The following PARD3B variants were observed in gnomAD, a reference collection of about 807,000 sequenced individuals.
The protein encoded by PARD3B is partitioning defective 3 homolog B.
Under a neutral mutation model 130.2 loss-of-function variants are expected in PARD3B, and 103 were observed. The observed-to-expected ratio is 0.79, with a 90% confidence interval of 0.67 to 0.93. The LOEUF is 0.93. Among genes scored for constraint, PARD3B ranks in the 40% least tolerant of loss-of-function variants. The pLI, the probability that PARD3B is intolerant of heterozygous loss-of-function variation, is 0.00. For synonymous variants in PARD3B, 583 were observed against 553.2 expected (o/e 1.05, Z -0.76); for missense variants, 1,609 against 1,499.2 (o/e 1.07, Z -1.21).
At chr2:204,753,466 T>A (rs1276465082) in intron 2 of PARD3B, among the ~76,000 whole-genome samples, 1 of 152,152 alleles carries the variant, frequency 6.6e-6, no homozygotes, top group East Asian at 1.9e-4. Context: ...CATTCTATAC[T>A]GGCTTGTCTA....
chr2:205,096,476 C>T (rs1473148340), intron 4 of PARD3B, among the ~76,000 whole-genome samples: 3 of 152,130 alleles, frequency 2.0e-5, no homozygotes, highest in Non-Finnish European at 4.4e-5. Context: ...GTGGCCAACC[C>T]TGATTATATT....
intron 18 of PARD3B, among the ~76,000 whole-genome samples, chr2:205,311,622 T>C (rs934879055): frequency 3.9e-5 from 6 of 152,234 alleles, no homozygotes; most frequent in African/African-American, 7.2e-5. Flanking sequence ...ACTGCTGTTT[T>C]GTAATGTAGT....
At position 205,158,623 on chromosome 2, in the gene PARD3B, T is replaced by A. The variant is rs2034323506; in HGVS notation, c.1435-99T>A. On this transcript the variant is annotated intron_variant, in intron 10 of 22. Coordinates refer to ENST00000406610, the MANE Select transcript of PARD3B (RefSeq NM_001302769.2). The surrounding 1 kb of genome is among the most constrained non-coding windows in gnomAD (Gnocchi z 5.4). ...ATTACAGCTGTGAGAGGTCCAGTCA[T>A]CCTGTCCTACTGATTGCATCTGTGT... is the stretch of plus-strand genomic sequence containing the variant. The A allele has an allele frequency of 8.1e-7, 1 of 1,235,628 alleles. No individual in the cohort carries two copies. The highest frequency in any genetic ancestry group is 1.5e-5 in the African/African-American group (1 of 66,220). 76.5% of individuals were successfully genotyped at this position (1,235,628 alleles called of 1,614,324 possible).
intron 4 of PARD3B, among the ~76,000 whole-genome samples, chr2:205,067,732 GT>G (rs1700479290): frequency 6.6e-6 from 1 of 152,032 alleles, no homozygotes; most frequent in Non-Finnish European, 1.5e-5. Context: ...AATAAATTTT[GT>G]TTATGAAATG....
intron 10 of PARD3B, among the ~76,000 whole-genome samples, chr2:205,144,952 CT>C (rs1387170612): frequency 1.3e-5 from 2 of 152,254 alleles, no homozygotes; most frequent in African/African-American, 4.8e-5. Flanking sequence ...AATACTGCCT[CT>C]TTTCGAGGCT....
At chr2:204,756,654 G>A (rs972407186) in intron 2 of PARD3B, among the ~76,000 whole-genome samples, 2 of 152,138 alleles carry the variant, frequency 1.3e-5, no homozygotes, top group East Asian at 1.9e-4. Context: ...CCAACTCTCT[G>A]AGAGAGGCAC....
intron 18 of PARD3B, among the ~76,000 whole-genome samples, chr2:205,304,610 G>A (rs569696024): frequency 1.0e-4 from 15 of 148,550 alleles, no homozygotes; most frequent in African/African-American, 3.4e-4. Context: ...ACTCCCGCCT[G>A]GGCAACAAGA....
chr2:204,870,696 G>A (rs1041708747), intron 2 of PARD3B, among the ~76,000 whole-genome samples: 1 of 152,168 alleles, frequency 6.6e-6, no homozygotes, highest in African/African-American at 2.4e-5. Context: ...TAACTTGGAA[G>A]TTTTGTTGCA....
intron 3 of PARD3B, among the ~76,000 whole-genome samples, chr2:204,969,770 T>C (rs1176335416): frequency 6.6e-6 from 1 of 152,056 alleles, no homozygotes; most frequent in Non-Finnish European, 1.5e-5. Context: ...TTGAGTAGAG[T>C]GTAAATTAAT....
At chr2:204,600,761 G>T (rs1034220775) in intron 1 of PARD3B, among the ~76,000 whole-genome samples, 3 of 151,796 alleles carry the variant, frequency 2.0e-5, no homozygotes, top group Non-Finnish European at 3.0e-5. Flanking sequence ...ATGCTTTTGT[G>T]ATATTGACCT....
intron 2 of PARD3B, among the ~76,000 whole-genome samples, chr2:204,707,737 G>A (rs192409881): frequency 3.3e-5 from 5 of 152,184 alleles, no homozygotes; most frequent in Admixed American, 6.5e-5. Flanking sequence ...ATTTGTGTTC[G>A]TTGACTTCAT....
chr2:204,720,244 A>AC (rs1479977106), intron 2 of PARD3B, among the ~76,000 whole-genome samples: 1 of 152,198 alleles, frequency 6.6e-6, no homozygotes. Flanking sequence ...TTGCTTGGTA[A>AC]CGGATAGAAG....
At chr2:205,581,951 G>A (rs1339470285) in intron 22 of PARD3B, among the ~76,000 whole-genome samples, 1 of 152,148 alleles carries the variant, frequency 6.6e-6, no homozygotes, top group African/African-American at 2.4e-5. Context: ...CCCAGATGGG[G>A]AGCCTGGTCC....
intron 21 of PARD3B, among the ~76,000 whole-genome samples, chr2:205,526,147 A>C (rs944354508): frequency 6.6e-6 from 1 of 152,176 alleles, no homozygotes. Context: ...AATCTTGAAC[A>C]TAGATTCTGT....
chr2:205,382,276 A>G (rs2045481197), intron 18 of PARD3B, among the ~76,000 whole-genome samples: 1 of 152,024 alleles, frequency 6.6e-6, no homozygotes, highest in Non-Finnish European at 1.5e-5. Flanking sequence ...GGAATGTAGT[A>G]GTGAGTTATT....
chr2:204,934,796 A>T lies in PARD3B; in HGVS notation c.223-30356A>T, dbSNP rs550400216. ...AGTGGGAACGGGGTAAGTATTTATT[A>T]GTCAGTTTGATAATTTAGGTATACT... On this transcript the variant is annotated intron_variant, in intron 2 of 22. Transcript: ENST00000406610. Among the ~76,000 whole-genome samples, 11 of 152,332 alleles carry T rather than the reference A, an allele frequency of 7.2e-5. No individual in the cohort carries two copies. In the East Asian group the frequency reaches 2.1e-3, roughly 29 times the overall value.
chr2:205,033,579 A>G (rs1258177085), intron 3 of PARD3B, among the ~76,000 whole-genome samples: 1 of 152,154 alleles, frequency 6.6e-6, no homozygotes. Flanking sequence ...ATATTCATGC[A>G]AGGGTGTCCA....
In PARD3B at chr2:205,321,840, G is replaced by A. The variant is rs990459468; in HGVS notation, c.2630+20139G>A. On this transcript the variant is annotated intron_variant, in intron 18 of 22. Transcript: ENST00000406610. The surrounding 1 kb of genome is among the most constrained non-coding windows in gnomAD (Gnocchi z 4.2). ...ATGAGTACAGATTTCCAAGAGCGAG[G>A]TGTACTTCTTTGACAATTAATGAAA... 4.6e-5 allele frequency among the ~76,000 whole-genome samples: 7 copies of A among 152,198 alleles called. No homozygotes were observed. Among genetic ancestry groups the A allele is most frequent in the African/African-American group, 1.7e-4 (7 of 41,452 alleles).
chr2:205,527,529 C>T (rs1299056662), intron 21 of PARD3B, among the ~76,000 whole-genome samples: 2 of 152,060 alleles, frequency 1.3e-5, no homozygotes, highest in East Asian at 3.9e-4. Context: ...TCTGTGGTGA[C>T]AAGTGACAAG....
Sources: gnomAD v4.1 joint callset for allele counts (sites outside exome capture counted in the v4.1 genomes callset) on GRCh38, gnomAD v4.1.1 for gene constraint, Gnocchi (gnomAD v3.1) non-coding constraint, MANE v1.5 for transcripts, NCBI Gene and HGNC (gene_info 2026-07-23, HGNC 2026-07-21) for gene names.